Variants in FGF11 observed in about 807,000 individuals in gnomAD.
FGF11 encodes the protein fibroblast growth factor homologous factor 3.
A neutral mutation model predicts 25.1 loss-of-function variants in FGF11; 25 were observed. That is an observed-to-expected ratio of 1.00 (90% CI 0.73 to 1.39). The LOEUF (loss-of-function observed/expected upper bound fraction) is 1.39. Among genes scored for constraint, FGF11 ranks in the 40% most tolerant of loss-of-function variants. FGF11 has a pLI of 0.00. For missense variants in FGF11, 320 were observed against 311.0 expected (o/e 1.03, Z -0.22); for synonymous variants, 130 against 128.9 (o/e 1.01, Z -0.06).
In FGF11 at chr17:7,439,781, G is replaced by A. The variant is rs578202767; in HGVS notation, c.161G>A (p.Gly54Glu). The A allele has an allele frequency of 3.3e-4, 491 of 1,484,384 alleles. 2 individuals are homozygous for A. The highest frequency in any genetic ancestry group is 2.6e-3 in the Middle Eastern group (15 of 5,704). 92.0% of individuals were successfully genotyped at this position (1,484,384 alleles called of 1,614,324 possible). ...CTGCTGTCCAAGGTGCGACTGTGCG[G>A]GGGGCGGCCCGCGCGGCCGGACCGC... ...LILLSKVRLC[G>E]GRPARPDRGP... Residue 54 changes from glycine to glutamate, a missense_variant, in exon 1 of 5, where the codon GGG becomes GAG. Physicochemically the swap from Gly to Glu is moderately conservative, Grantham distance 98. Transcript: ENST00000293829.
chr17:7,441,616 G>A (rs372710745), intron 2 of FGF11, 35 bp downstream of exon 2: 23 of 1,613,254 alleles, frequency 1.4e-5, no homozygotes, highest in Non-Finnish European at 1.9e-5. Context: ...GTGGGAAGGG[G>A]GAGAATGGGG....
upstream of FGF11, chr17:7,438,517 A>T (rs1275375236): frequency 6.5e-6 from 1 of 152,912 alleles, no homozygotes; most frequent in Non-Finnish European, 1.5e-5. Context: ...CGCCGGATCA[A>T]CAGGACAGGA....
In FGF11 at chr17:7,444,904, G is replaced by A. The variant is rs1038682609; in HGVS notation, c.*1758G>A. 2 of 603,872 alleles carry A rather than the reference G, an allele frequency of 3.3e-6. No individual in the cohort carries two copies. The highest frequency in any genetic ancestry group is 5.9e-5 in the Admixed American group (2 of 34,116). 37.4% of individuals were successfully genotyped at this position (603,872 alleles called of 1,614,324 possible). Reference sequence around the variant, plus strand: ...CCCAGGGGATCGGGTCTCCACTCCAGCTTTCTCAATTAAAGACGATTTATA... The same window carrying A: ...CCCAGGGGATCGGGTCTCCACTCCAACTTTCTCAATTAAAGACGATTTATA... On this transcript the variant is annotated 3_prime_UTR_variant, in exon 5 of 5. Coordinates refer to ENST00000293829, the MANE Select transcript of FGF11 (RefSeq NM_004112.4).
In FGF11 at chr17:7,443,647, C is replaced by T. The variant is rs1480136577; in HGVS notation, c.*501C>T. ...GAACACTGGACACCCTCGCCAGGGC[C>T]ACTTCTGCACTAGGGCTCTGTGCTG... On this transcript the variant is annotated 3_prime_UTR_variant, in exon 5 of 5. Coordinates refer to ENST00000293829, the MANE Select transcript of FGF11 (RefSeq NM_004112.4). The T allele has an allele frequency of 6.5e-6, 1 of 154,312 alleles. No individual in the cohort carries two copies. The highest frequency in any genetic ancestry group is 1.9e-4 in the East Asian group (1 of 5,234). 9.6% of individuals were successfully genotyped at this position (154,312 alleles called of 1,614,324 possible).
chr17:7,439,343 G>T, upstream of FGF11: 1 of 355,094 alleles, frequency 2.8e-6, no homozygotes. Context: ...GAAAGGGGAC[G>T]TTTTCAATAG....
In FGF11 at chr17:7,439,544, A is replaced by C. The variant is rs1908211762; in HGVS notation, c.-77A>C. On this transcript the variant is annotated 5_prime_UTR_variant, in exon 1 of 5. It removes the in-frame stop codon of an upstream open reading frame in the 5' UTR. Coordinates refer to ENST00000293829, the MANE Select transcript of FGF11 (RefSeq NM_004112.4). ...GGCCTGAGCGTCAAGAGCATGCCCT[A>C]GTGAGCGGGCTCCTCTGGGGGAGCC... 1 of 1,202,656 alleles carries C rather than the reference A, an allele frequency of 8.3e-7. No individual in the cohort carries two copies. The highest frequency in any genetic ancestry group is 1.1e-6 in the Non-Finnish European group (1 of 918,546). The allele number at this position is 1,202,656 out of a possible 1,614,324, so 74.5% of individuals were successfully genotyped here. A position where few individuals can be genotyped will look rare whatever the true frequency, so the allele number is the denominator to read the frequency against.
rs1401953811 is a variant in FGF11 at position 7,439,573 on chromosome 17, C to G, written c.-48C>G. 1 of 1,365,776 alleles carries G rather than the reference C, an allele frequency of 7.3e-7. No homozygotes were observed. Among genetic ancestry groups the G allele is most frequent in the Non-Finnish European group, 9.4e-7 (1 of 1,063,272 alleles). 84.6% of individuals were successfully genotyped at this position (1,365,776 alleles called of 1,614,324 possible). A position where few individuals can be genotyped will look rare whatever the true frequency, so the allele number is the denominator to read the frequency against. On this transcript the variant is annotated 5_prime_UTR_variant, in exon 1 of 5. Coordinates refer to ENST00000293829, the MANE Select transcript of FGF11 (RefSeq NM_004112.4). ...AGCGGGCTCCTCTGGGGGAGCCCAG[C>G]GCGCTCCGGGCGCCTGCCGGTTTGG...
Position 7,440,758 on chromosome 17 carries a change from GC to G in FGF11, c.194-708del. The G allele has an allele frequency of 1.0e-6, 1 of 986,600 alleles. No homozygotes were observed. Among genetic ancestry groups the G allele is most frequent in the Non-Finnish European group, 1.2e-6 (1 of 830,882 alleles). The allele number at this position is 986,600 out of a possible 1,614,324, so 61.1% of individuals were successfully genotyped here. A position where few individuals can be genotyped will look rare whatever the true frequency, so the allele number is the denominator to read the frequency against. Reference sequence around the variant, plus strand: ...CAGCCCACCCTCTGAGTAGGACCGGGCCCCCACGTGACTCAGCCTGCCTCTC... The same window carrying G: ...CAGCCCACCCTCTGAGTAGGACCGGGCCCCACGTGACTCAGCCTGCCTCTC... On this transcript the variant is annotated intron_variant, in intron 1 of 4. Coordinates refer to ENST00000293829, the MANE Select transcript of FGF11 (RefSeq NM_004112.4). This position sits in a 1 kb window ranked among gnomAD's most constrained non-coding sequence, Gnocchi z 5.4.
In FGF11 at chr17:7,440,625, G is replaced by A; in HGVS notation, c.193+812G>A. ...AATTGGTCCCCGTCCATGTACGACAGTCAGGGAGTCCCTCTGGCCCTGCTC... is the reference window on the plus strand; with the variant it reads ...AATTGGTCCCCGTCCATGTACGACAATCAGGGAGTCCCTCTGGCCCTGCTC... On this transcript the variant is annotated intron_variant, in intron 1 of 4. Transcript: ENST00000293829. This position sits in a 1 kb window ranked among gnomAD's most constrained non-coding sequence, Gnocchi z 5.4. 1 of 980,164 alleles carries A rather than the reference G, an allele frequency of 1.0e-6. No individual in the cohort carries two copies. The allele number at this position is 980,164 out of a possible 1,614,324, so 60.7% of individuals were successfully genotyped here. A position where few individuals can be genotyped will look rare whatever the true frequency, so the allele number is the denominator to read the frequency against.
intron 3 of FGF11, 148 bp downstream of exon 3, chr17:7,442,027 C>T (rs1908353514): frequency 4.9e-6 from 3 of 611,150 alleles, no homozygotes; most frequent in Non-Finnish European, 5.7e-6. Flanking sequence ...CATCGCTGCC[C>T]ATTCCAGACC....
At chr17:7,442,949 C>G (rs1157025708) in intron 4 of FGF11, 127 bp from the exon 5 acceptor site, 3 of 1,146,794 alleles carry the variant, frequency 2.6e-6, no homozygotes, top group Non-Finnish European at 2.6e-6. Flanking sequence ...GGGTGCGGTC[C>G]TCCTGTGGGG....
chr17:7,441,333 T>C (rs1219148837), intron 1 of FGF11, 138 bp from the exon 2 acceptor site: 1 of 1,196,182 alleles, frequency 8.4e-7, no homozygotes, highest in Non-Finnish European at 1.2e-6. Flanking sequence ...GAGAGCGTGC[T>C]TGGAGGATAA....
intron 3 of FGF11, chr17:7,442,144 T>C (rs1347724273): frequency 3.5e-5 from 14 of 403,804 alleles, no homozygotes; most frequent in Non-Finnish European, 6.2e-5. Flanking sequence ...CTACTTCTTA[T>C]CCCACCTCCT....
In FGF11 at chr17:7,440,683, C is replaced by T; in HGVS notation, c.194-788C>T. 1.0e-6 allele frequency: 1 copy of T among 985,854 alleles called. No homozygotes were observed. The highest frequency in any genetic ancestry group is 1.1e-4 in the East Asian group (1 of 8,822). The allele number at this position is 985,854 out of a possible 1,614,324, so 61.1% of individuals were successfully genotyped here. Reference sequence around the variant, plus strand: ...CTCCCAGCTCCCCTAAGGGTAGCCACCTCGCGCCCTCCTCCCCGCGCCACC... The same window carrying T: ...CTCCCAGCTCCCCTAAGGGTAGCCATCTCGCGCCCTCCTCCCCGCGCCACC... On this transcript the variant is annotated intron_variant, in intron 1 of 4. Transcript: ENST00000293829. This position sits in a 1 kb window ranked among gnomAD's most constrained non-coding sequence, Gnocchi z 5.4.
chr17:7,442,723 C>T lies in FGF11; in HGVS notation c.538C>T (p.Gln180Ter), dbSNP rs761308484. The T allele has an allele frequency of 6.2e-7, 1 of 1,614,136 alleles. No individual in the cohort carries two copies. The highest frequency in any genetic ancestry group is 1.7e-5 in the Admixed American group (1 of 60,020). ...GTACCTCGGCCTGGACAAGGAGGGC[C>T]AGGTCATGAAGGGAAACCGAGTTAA... ...AWYLGLDKEGQVMKGNRVKKT... is the reference protein window; with the variant it reads ...AWYLGLDKEG Residue 180 changes from glutamine (Q) to a stop codon, truncating the protein, a stop_gained, in exon 4 of 5, where the codon CAG becomes TAG. Transcript: ENST00000293829. LOFTEE classifies it high-confidence loss of function.
At position 7,439,694 on chromosome 17, in the gene FGF11, C is replaced by T. The variant is rs2150832841; in HGVS notation, c.74C>T (p.Ser25Leu). The T allele has an allele frequency of 4.5e-6, 7 of 1,554,986 alleles. No homozygotes were observed. Among genetic ancestry groups the T allele is most frequent in the Non-Finnish European group, 6.1e-6 (7 of 1,156,944 alleles). The change falls in exon 1 of 5, where the codon TCG (serine) becomes TTG (leucine). Residue 25 changes from serine to leucine, a missense_variant. Coordinates refer to ENST00000293829, the MANE Select transcript of FGF11 (RefSeq NM_004112.4). ...VREPGGSRPV[S>L]AQRRVCPRGT... ...GAGCCCGGGGGCAGCCGGCCGGTGT[C>T]GGCGCAGCGGCGCGTGTGTCCCCGC...
chr17:7,441,411 T>C (rs748476623), intron 1 of FGF11, 60 bp from the exon 2 acceptor site: 170 of 1,605,330 alleles, frequency 1.1e-4, no homozygotes, highest in Middle Eastern at 6.6e-4. Flanking sequence ...TCCTGCCAAG[T>C]GTAGGAATGT....
Position 7,441,799 on chromosome 17 carries a change from G to A in FGF11, c.328G>A (p.Gly110Ser). ...AGCCCACTTCAACCTGATCCCTGTG[G>A]GCCTCCGTGTGGTCACCATCCAGAG... ...SFTHFNLIPV[G>S]LRVVTIQSAK... Residue 110 changes from glycine (G) to serine (S), a missense_variant, in exon 3 of 5, where the codon GGC (glycine) becomes AGC (serine). By Grantham distance (56) the Gly-to-Ser change is moderately conservative. Coordinates refer to ENST00000293829, the MANE Select transcript of FGF11 (RefSeq NM_004112.4). 1.9e-6 allele frequency: 3 copies of A among 1,610,946 alleles called. No individual in the cohort carries two copies.
In FGF11 at chr17:7,440,688, C is replaced by A; in HGVS notation, c.194-783C>A. 1.0e-6 allele frequency: 1 copy of A among 985,696 alleles called. No individual in the cohort carries two copies. Among genetic ancestry groups the A allele is most frequent in the Non-Finnish European group, 1.2e-6 (1 of 830,332 alleles). 61.1% of individuals were successfully genotyped at this position (985,696 alleles called of 1,614,324 possible). ...AGCTCCCCTAAGGGTAGCCACCTCG[C>A]GCCCTCCTCCCCGCGCCACCGGCTG... On this transcript the variant is annotated intron_variant, in intron 1 of 4. Coordinates refer to ENST00000293829, the MANE Select transcript of FGF11 (RefSeq NM_004112.4). This position sits in a 1 kb window ranked among gnomAD's most constrained non-coding sequence, Gnocchi z 5.4.
Sources: allele counts gnomAD v4.1 joint callset, GRCh38; gene constraint gnomAD v4.1.1; non-coding constraint Gnocchi (gnomAD v3.1); transcripts MANE v1.5; gene names NCBI Gene and HGNC (gene_info 2026-07-23, HGNC 2026-07-21).